The following DNASE1L2 variants were observed in gnomAD, a reference collection of about 807,000 sequenced individuals.
The protein encoded by DNASE1L2 is deoxyribonuclease 1 like 2, also known as deoxyribonuclease-1-like 2.
A neutral mutation model predicts 31.8 loss-of-function variants in DNASE1L2; 35 were observed. The ratio of observed to expected loss-of-function variants is 1.10; its 90% CI spans 0.84 to 1.46. DNASE1L2 has a LOEUF of 1.46. Ranked by LOEUF, DNASE1L2 falls within the 40% of genes most tolerant of loss-of-function variation. DNASE1L2 has a pLI of 0.00. For synonymous variants in DNASE1L2, 211 were observed against 186.5 expected, an observed-to-expected ratio of 1.13 and a Z score of -1.07; for missense variants, 504 against 418.8, an observed-to-expected ratio of 1.20 and a Z score of -1.77.
chr16:2,238,088 G>C (rs998941475), intron 6 of DNASE1L2, 70 bp downstream of exon 6: 18 of 1,516,248 alleles, frequency 1.2e-5, no homozygotes, highest in Non-Finnish European at 1.6e-5. Context: ...AGCAGGGAGG[G>C]TCCAGCGCCC....
Position 2,237,376 on chromosome 16 carries a change from G to T in DNASE1L2, c.318G>T (p.Arg106Ser). Reference protein sequence around the residue: ...QYKEMYLFVYRKDAVSVVDTY... With the variant: ...QYKEMYLFVYSKDAVSVVDTY... ...TCAGCGGGTCCTCCCCATCTCCTAG[G>T]AAAGACGCGGTGTCGGTCGTGGACA... Residue 106 changes from arginine to serine, a missense_variant and splice_region_variant, in exon 5 of 7, where the codon AGG (arginine) becomes AGT (serine). Transcript: ENST00000320700. 6.2e-7 allele frequency: 1 copy of T among 1,602,958 alleles called. No individual in the cohort carries two copies.
In DNASE1L2 at chr16:2,237,111, T is replaced by A. The variant is rs2093513581; in HGVS notation, c.218T>A (p.Met73Lys). 1.2e-5 allele frequency: 18 copies of A among 1,550,020 alleles called. No homozygotes were observed. The highest frequency in any genetic ancestry group is 1.5e-5 in the Non-Finnish European group (17 of 1,147,386). The change falls in exon 3 of 7, where the codon ATG (methionine) becomes AAG (lysine). Residue 73 changes from methionine (M) to lysine (K), a missense_variant. By Grantham distance (95) the Met-to-Lys change is moderately conservative. Transcript: ENST00000320700. Reference sequence around the variant, plus strand: ...GACCTCAGCGCCGTGTCCGCGCTCATGGAGCAGATCAACAGGTGTGGTGGG... The same window carrying A: ...GACCTCAGCGCCGTGTCCGCGCTCAAGGAGCAGATCAACAGGTGTGGTGGG... ...DPDLSAVSAL[M>K]EQINSVSEHE...
Position 2,237,529 on chromosome 16 carries a change from TC to T in DNASE1L2, c.474del (p.Ala159GlnfsTer8), listed in dbSNP as rs767046434. 66 of 1,502,924 alleles carry T rather than the reference TC, an allele frequency of 4.4e-5. 1 individual carries two copies. The highest frequency in any genetic ancestry group is 5.7e-5 in the Non-Finnish European group (63 of 1,114,040). The allele number at this position is 1,502,924 out of a possible 1,614,324, so 93.1% of individuals were successfully genotyped here. ...GCCGAGCTCTGACGCCCCCACCCCT[TC>T]CCGCAGCAGCACAGAACCTGGTGCT... ...SRRALTPPPLPAAAQNLVLIP... is the reference protein window; with the variant it reads ...SRRALTPPPLXAAAQNLVLIP... On this transcript the variant is annotated frameshift_variant, in exon 5 of 7. Coordinates refer to ENST00000320700, the MANE Select transcript of DNASE1L2 (RefSeq NM_001374.3). LOFTEE classifies it high-confidence loss of function.
rs1390580360 is a variant in DNASE1L2, at chr16:2,237,202, G to A, written c.234-16G>A. ...GGCGCGGCGCCCCGACCCTGAGCGG[G>A]CCCCTGTCTCCGCAGCGTGTCCGAG... On this transcript the variant is annotated splice_polypyrimidine_tract_variant and intron_variant, in intron 3 of 6. Transcript: ENST00000320700. 1 of 1,560,254 alleles carries A rather than the reference G, an allele frequency of 6.4e-7. No homozygotes were observed.
At position 2,237,995 on chromosome 16, in the gene DNASE1L2, G is replaced by C. The variant is rs189893077; in HGVS notation, c.820G>C (p.Glu274Gln). The change falls in exon 6 of 7, where the codon GAA becomes CAA. Residue 274 changes from glutamate to glutamine, a missense_variant. Transcript: ENST00000320700. ...QSATVHDFQE[E>Q]FGLDQTQALA... ...GGCCACCGTGCACGACTTCCAGGAGGAATTCGGCCTGGACCAGACTCAGGC... is the reference window on the plus strand; with the variant it reads ...GGCCACCGTGCACGACTTCCAGGAGCAATTCGGCCTGGACCAGACTCAGGC... The C allele has an allele frequency of 6.2e-7, 1 of 1,603,500 alleles. No homozygotes were observed. Among genetic ancestry groups the C allele is most frequent in the Non-Finnish European group, 8.5e-7 (1 of 1,176,446 alleles).
intron 1 of DNASE1L2, 70 bp from the exon 2 acceptor site, chr16:2,236,708 G>A: frequency 7.0e-7 from 1 of 1,432,896 alleles, no homozygotes; most frequent in South Asian, 1.5e-5. Context: ...ATTCCGCGTC[G>A]CACTGGCCGT....
chr16:2,238,217 G>A, intron 6 of DNASE1L2, 145 bp from the exon 7 acceptor site: 1 of 1,415,080 alleles, frequency 7.1e-7, no homozygotes, highest in East Asian at 2.3e-5. Flanking sequence ...TTCCCTCAAA[G>A]GGCCAGTGGT....
rs1232939892 is a variant in DNASE1L2 at position 2,236,487 on chromosome 16, C to T, written c.-113C>T. 4.4e-6 allele frequency: 5 copies of T among 1,145,534 alleles called. No homozygotes were observed. Among genetic ancestry groups the T allele is most frequent in the Non-Finnish European group, 5.4e-6 (5 of 932,730 alleles). The allele number at this position is 1,145,534 out of a possible 1,614,324, so 71.0% of individuals were successfully genotyped here. ...AGTCAGTGCAGTCCTGTGTCGGACACGCCCGCAGCCTGGACCCGGGATCCC... is the reference window on the plus strand; with the variant it reads ...AGTCAGTGCAGTCCTGTGTCGGACATGCCCGCAGCCTGGACCCGGGATCCC... On this transcript the variant is annotated 5_prime_UTR_variant, in exon 1 of 7. It adds an upstream start codon to the 5' untranslated region. Transcript: ENST00000320700.
Position 2,236,911 on chromosome 16 carries a change from T to G in DNASE1L2, c.95T>G (p.Phe32Cys). The G allele has an allele frequency of 6.3e-7, 1 of 1,588,924 alleles. No individual in the cohort carries two copies. The highest frequency in any genetic ancestry group is 8.6e-7 in the Non-Finnish European group (1 of 1,167,962). ...ATCGGAGCCTTCAACATTCAGAGCT[T>G]CGGTGACAGCAAAGTGTCGGACCCC... is the stretch of plus-strand genomic sequence containing the variant. ...LRIGAFNIQS[F>C]GDSKVSDPAC... The change falls in exon 2 of 7, where the codon TTC (phenylalanine) becomes TGC (cysteine). Residue 32 changes from phenylalanine to cysteine, a missense_variant. Transcript: ENST00000320700.
Position 2,237,114 on chromosome 16 carries a change from A to G in DNASE1L2, c.221A>G (p.Glu74Gly). Residue 74 changes from glutamate (E) to glycine (G), a missense_variant, in exon 3 of 7, where the codon GAG (glutamate) becomes GGG (glycine). Physicochemically the swap from Glu to Gly is moderately conservative, Grantham distance 98. Transcript: ENST00000320700. ...CTCAGCGCCGTGTCCGCGCTCATGGAGCAGATCAACAGGTGTGGTGGGCAG... is the reference window on the plus strand; with the variant it reads ...CTCAGCGCCGTGTCCGCGCTCATGGGGCAGATCAACAGGTGTGGTGGGCAG... ...PDLSAVSALM[E>G]QINSVSEHEY... is the part of the protein sequence containing the mutation. 3 of 1,550,042 alleles carry G rather than the reference A, an allele frequency of 1.9e-6. No individual in the cohort carries two copies. The highest frequency in any genetic ancestry group is 2.7e-5 in the African/African-American group (2 of 73,216).
rs1050502982 is a variant in DNASE1L2 at position 2,238,422 on chromosome 16, G to A, written c.*4G>A. 10 of 1,613,348 alleles carry A rather than the reference G, an allele frequency of 6.2e-6. No individual in the cohort carries two copies. Among genetic ancestry groups the A allele is most frequent in the Admixed American group, 3.3e-5 (2 of 60,026 alleles). On this transcript the variant is annotated 3_prime_UTR_variant, in exon 7 of 7. Transcript: ENST00000320700. ...GACCCTCAAGTTCCACCGATGACTC[G>A]AGGCCTGGCTGGGGCATGCCACCTG... is the stretch of plus-strand genomic sequence containing the variant.
intron 5 of DNASE1L2, 36 bp downstream of exon 5, chr16:2,237,685 C>T: frequency 6.3e-7 from 1 of 1,588,366 alleles, no homozygotes; most frequent in Non-Finnish European, 8.6e-7. Flanking sequence ...TCCCTGCAGG[C>T]GCGCCCCGGG....
chr16:2,236,641 G>A, intron 1 of DNASE1L2, 81 bp downstream of exon 1: 1 of 1,366,322 alleles, frequency 7.3e-7, no homozygotes, highest in Non-Finnish European at 9.4e-7. Context: ...GCAGTGAGAA[G>A]GCAGCGGTCC....
rs756727000 is a variant in DNASE1L2, at chr16:2,237,033, C to T, written c.145-5C>T. ...CTGACCCCCGCACCCGCCGCTCCTCCCCAGATCCTGGCTGGCTATGACCTC... is the reference window on the plus strand; with the variant it reads ...CTGACCCCCGCACCCGCCGCTCCTCTCCAGATCCTGGCTGGCTATGACCTC... On this transcript the variant is annotated splice_polypyrimidine_tract_variant and splice_region_variant and intron_variant, in intron 2 of 6. Transcript: ENST00000320700. The T allele has an allele frequency of 1.2e-4, 179 of 1,548,910 alleles. No homozygotes were observed. The highest frequency in any genetic ancestry group is 1.5e-4 in the Non-Finnish European group (172 of 1,146,850).
chr16:2,237,547 C>T lies in DNASE1L2; in HGVS notation c.489C>T (p.Asn163=). ...CACCCCTTCCCGCAGCAGCACAGAA[C>T]CTGGTGCTGATCCCGCTGCACGCGG... ...TPPPLPAAAQ[N]LVLIPLHAAP... is the part of the protein sequence containing the mutation. The change falls in exon 5 of 7, where the codon AAC becomes AAT. Residue 163 remains asparagine (N), a synonymous_variant. Transcript: ENST00000320700. 2 of 1,543,346 alleles carry T rather than the reference C, an allele frequency of 1.3e-6. No individual in the cohort carries two copies. The highest frequency in any genetic ancestry group is 1.8e-6 in the Non-Finnish European group (2 of 1,138,864).
In DNASE1L2 at chr16:2,237,007, G is replaced by T. The variant is rs758565551; in HGVS notation, c.145-31G>T. 5.2e-6 allele frequency: 8 copies of T among 1,545,160 alleles called. No individual in the cohort carries two copies. The South Asian group carries it at 9.5e-5, about 18-fold the overall frequency. On this transcript the variant is annotated intron_variant, in intron 2 of 6. Transcript: ENST00000320700. ...GGCGGCGTTTAGGGGTGCTGACCGC[G>T]CTGACCCCCGCACCCGCCGCTCCTC...
chr16:2,238,380 C>A lies in DNASE1L2; in HGVS notation c.862C>A (p.His288Asn). The A allele has an allele frequency of 6.2e-7, 1 of 1,613,524 alleles. No homozygotes were observed. The highest frequency in any genetic ancestry group is 8.5e-7 in the Non-Finnish European group (1 of 1,180,010). The stretch of plus-strand genomic sequence containing the variant: ...CCCACAGGCTCTTGCCATCAGCGAC[C>A]ACTTTCCAGTGGAGGTGACCCTCAA... ...DQTQALAISDHFPVEVTLKFH... is the reference protein window; with the variant it reads ...DQTQALAISDNFPVEVTLKFH... The change falls in exon 7 of 7, where the codon CAC (histidine) becomes AAC (asparagine). Residue 288 changes from histidine (H) to asparagine (N), a missense_variant. Physicochemically the swap from His to Asn is moderately conservative, Grantham distance 68. Coordinates refer to ENST00000320700, the MANE Select transcript of DNASE1L2 (RefSeq NM_001374.3).
chr16:2,237,977 G>T lies in DNASE1L2; in HGVS notation c.802G>T (p.Val268Leu). 6.2e-7 allele frequency: 1 copy of T among 1,607,388 alleles called. No individual in the cohort carries two copies. Among genetic ancestry groups the T allele is most frequent in the South Asian group, 1.1e-5 (1 of 90,278 alleles). ...GAGCCTGAAGCCCCAGTCGGCCACCGTGCACGACTTCCAGGAGGAATTCGG... is the reference window on the plus strand; with the variant it reads ...GAGCCTGAAGCCCCAGTCGGCCACCTTGCACGACTTCCAGGAGGAATTCGG... The part of the protein sequence containing the change: ...RRSLKPQSAT[V>L]HDFQEEFGLD... Residue 268 changes from valine to leucine, a missense_variant, in exon 6 of 7, where the codon GTG (valine) becomes TTG (leucine). Transcript: ENST00000320700.
intron 1 of DNASE1L2, 108 bp from the exon 2 acceptor site, chr16:2,236,670 C>T (rs1948054996): frequency 1.4e-6 from 2 of 1,416,564 alleles, no homozygotes; most frequent in South Asian, 1.5e-5. Flanking sequence ...CCAGCAGTGC[C>T]CTGGGAGCCT....
Sources: allele counts gnomAD v4.1 joint callset, GRCh38; gene constraint gnomAD v4.1.1; transcripts MANE v1.5; gene names NCBI Gene and HGNC (gene_info 2026-07-23, HGNC 2026-07-21).